Variants in ATXN10 observed in about 807,000 individuals in gnomAD.
ATXN10 encodes ataxin 10, also known as ataxin-10.
ATXN10 carries 28 observed loss-of-function variants against 52.9 expected under a neutral mutation model. The observed-to-expected ratio is 0.53, with a 90% CI of 0.39 to 0.73. The LOEUF (loss-of-function observed/expected upper bound fraction) is 0.73. Ranked by LOEUF, ATXN10 falls within the 30% of genes least tolerant of loss-of-function variation. The pLI is 0.00. For synonymous variants in ATXN10, 226 were observed against 221.5 expected, an observed-to-expected ratio of 1.02 and a Z score of -0.18; for missense variants, 565 against 577.0, an observed-to-expected ratio of 0.98 and a Z score of 0.21.
intron 10 of ATXN10, among the ~76,000 whole-genome samples, chr22:45,822,523 ATT>A (rs763159693): frequency 0.074 from 7,131 of 95,922 alleles, 113 homozygotes; most frequent in Non-Finnish European, 0.097. Context: ...AATTTCTCCA[ATT>A]TTTTTTTTTT....
chr22:45,842,007 C>T lies in ATXN10; in HGVS notation c.1238-984C>T, dbSNP rs1394530779. On this transcript the variant is annotated intron_variant, in intron 10 of 11. Coordinates refer to ENST00000252934, the MANE Select transcript of ATXN10 (RefSeq NM_013236.4). The surrounding 1 kb of genome is among the most constrained non-coding windows in gnomAD (Gnocchi z 4.8). Reference sequence around the variant, plus strand: ...GGACAGGACTTGTTTGTCTTGCTGCCTTTATCTGCTCGTGGGCAGGGAGGT... The same window carrying T: ...GGACAGGACTTGTTTGTCTTGCTGCTTTTATCTGCTCGTGGGCAGGGAGGT... Among the ~76,000 whole-genome samples, 4 of 152,128 alleles carry T rather than the reference C, an allele frequency of 2.6e-5. No homozygotes were observed. The highest frequency in any genetic ancestry group is 9.7e-5 in the African/African-American group (4 of 41,418).
chr22:45,705,984 C>T lies in ATXN10; in HGVS notation c.647+3137C>T, dbSNP rs980335714. ...GCCACATTCGATTCTCTTAGGAGCA[C>T]AAACCCTGTTGTGAACTGCGCATGC... On this transcript the variant is annotated intron_variant, in intron 5 of 11. Coordinates refer to ENST00000252934, the MANE Select transcript of ATXN10 (RefSeq NM_013236.4). The surrounding 1 kb of genome is among the most constrained non-coding windows in gnomAD (Gnocchi z 5.2). 6.6e-6 allele frequency among the ~76,000 whole-genome samples: 1 copy of T among 152,200 alleles called. No homozygotes were observed. Among genetic ancestry groups the T allele is most frequent in the African/African-American group, 2.4e-5 (1 of 41,444 alleles).
At chr22:45,713,829 C>T (rs1210484957) in intron 5 of ATXN10, among the ~76,000 whole-genome samples, 1 of 152,092 alleles carries the variant, frequency 6.6e-6, no homozygotes, top group Admixed American at 6.6e-5. Context: ...TATATAAAGA[C>T]TTTCCTCAGT....
At chr22:45,801,505 C>T (rs1475607564) in intron 9 of ATXN10, among the ~76,000 whole-genome samples, 1 of 152,194 alleles carries the variant, frequency 6.6e-6, no homozygotes, top group African/African-American at 2.4e-5. Context: ...ACAAATGCAA[C>T]ACAAAGATCA....
rs1374198660 is a variant in ATXN10, at chr22:45,816,664, T to C, written c.1237+9642T>C. ...CCAAAATGTGCTCCAAAGCATATTT[T>C]GTCTATAGTATCTTAATAGGTAATA... On this transcript the variant is annotated intron_variant, in intron 10 of 11. Coordinates refer to ENST00000252934, the MANE Select transcript of ATXN10 (RefSeq NM_013236.4). This position sits in a 1 kb window ranked among gnomAD's most constrained non-coding sequence, Gnocchi z 5.8. 6.6e-6 allele frequency among the ~76,000 whole-genome samples: 1 copy of C among 152,206 alleles called. No individual in the cohort carries two copies. Among genetic ancestry groups the C allele is most frequent in the Non-Finnish European group, 1.5e-5 (1 of 68,034 alleles).
chr22:45,729,007 C>T (rs986579246), intron 6 of ATXN10, among the ~76,000 whole-genome samples: 2 of 152,136 alleles, frequency 1.3e-5, no homozygotes, highest in African/African-American at 4.8e-5. Flanking sequence ...GTACCTGCCT[C>T]ATGGAGTTTT....
chr22:45,768,442 A>C (rs1278482307), intron 9 of ATXN10, among the ~76,000 whole-genome samples: 1 of 152,248 alleles, frequency 6.6e-6, no homozygotes, highest in Non-Finnish European at 1.5e-5. Flanking sequence ...TTTGTGTAAA[A>C]AACACAAAAA....
At chr22:45,692,863 G>A (rs1032742759) in intron 2 of ATXN10, 133 bp from the exon 3 acceptor site, 31 of 758,044 alleles carry the variant, frequency 4.1e-5, no homozygotes, top group Non-Finnish European at 6.2e-5. Flanking sequence ...CCTGTAAAGA[G>A]CCAGATAATA....
chr22:45,843,731 A>G lies in ATXN10; in HGVS notation c.*60A>G. Reference sequence around the variant, plus strand: ...CTGTTTCATGGATTTTTCATCTTCTACCGTATGTGAAATTGCAAGTGTTTG... The same window carrying G: ...CTGTTTCATGGATTTTTCATCTTCTGCCGTATGTGAAATTGCAAGTGTTTG... On this transcript the variant is annotated 3_prime_UTR_variant, in exon 12 of 12. Coordinates refer to ENST00000252934, the MANE Select transcript of ATXN10 (RefSeq NM_013236.4). The surrounding 1 kb of genome is among the most constrained non-coding windows in gnomAD (Gnocchi z 4.5). 3 of 1,524,538 alleles carry G rather than the reference A, an allele frequency of 2.0e-6. No homozygotes were observed. In the South Asian group the frequency reaches 3.4e-5, roughly 17 times the overall value. The allele number at this position is 1,524,538 out of a possible 1,614,324, so 94.4% of individuals were successfully genotyped here.
At chr22:45,722,497 T>G (rs563144730) in intron 6 of ATXN10, among the ~76,000 whole-genome samples, 1 of 152,266 alleles carries the variant, frequency 6.6e-6, no homozygotes, top group East Asian at 1.9e-4. Context: ...TTTCTGACTT[T>G]GACTGCTTCT....
rs537639831 is a variant in ATXN10, at chr22:45,682,343, G to T, written c.117-7369G>T. On this transcript the variant is annotated intron_variant, in intron 1 of 11. Transcript: ENST00000252934. ...TCTTTGTTTTTTTTTTTGAGACAGG[G>T]TCTCGCTCTGTCACCCAGGCTGGAG... Among the ~76,000 whole-genome samples the T allele has an allele frequency of 2.2e-4, 33 of 151,796 alleles. No individual in the cohort carries two copies. In the South Asian group the frequency reaches 6.2e-3, roughly 29 times the overall value.
chr22:45,791,525 G>T (rs368913560), intron 9 of ATXN10, among the ~76,000 whole-genome samples: 5 of 152,122 alleles, frequency 3.3e-5, no homozygotes, highest in South Asian at 2.1e-4. Context: ...GCATGGTCGG[G>T]TACTTTTTCT....
intron 9 of ATXN10, among the ~76,000 whole-genome samples, chr22:45,742,526 A>G (rs1160737031): frequency 8.2e-6 from 1 of 121,762 alleles, no homozygotes; most frequent in Non-Finnish European, 1.7e-5. Flanking sequence ...TACAGTATCT[A>G]AAATAAAAAA....
At position 45,728,184 on chromosome 22, in the gene ATXN10, T is replaced by C. The variant is rs1924952903; in HGVS notation, c.729-1241T>C. On this transcript the variant is annotated intron_variant, in intron 6 of 11. Coordinates refer to ENST00000252934, the MANE Select transcript of ATXN10 (RefSeq NM_013236.4). This position sits in a 1 kb window ranked among gnomAD's most constrained non-coding sequence, Gnocchi z 4.3. Reference sequence around the variant, plus strand: ...CTCCATTGTGTTACTGTTTTATAGGTGCTGTGCATTTTGTGCTTTCAAGAG... The same window carrying C: ...CTCCATTGTGTTACTGTTTTATAGGCGCTGTGCATTTTGTGCTTTCAAGAG... 6.6e-6 allele frequency among the ~76,000 whole-genome samples: 1 copy of C among 152,192 alleles called. No individual in the cohort carries two copies. The highest frequency in any genetic ancestry group is 1.5e-5 in the Non-Finnish European group (1 of 68,028).
chr22:45,821,119 G>A (rs181347621), intron 10 of ATXN10, among the ~76,000 whole-genome samples: 1 of 152,276 alleles, frequency 6.6e-6, no homozygotes, highest in East Asian at 1.9e-4. Flanking sequence ...GATAGGAAAA[G>A]CCTGTAGAAA....
In ATXN10 at chr22:45,744,472, A is replaced by G. The variant is rs903544641; in HGVS notation, c.1173+3934A>G. On this transcript the variant is annotated intron_variant, in intron 9 of 11. Coordinates refer to ENST00000252934, the MANE Select transcript of ATXN10 (RefSeq NM_013236.4). This position sits in a 1 kb window ranked among gnomAD's most constrained non-coding sequence, Gnocchi z 4.9. ...TACCTCTGTGGAAAGGGCTGAAAAG[A>G]TATTTCCACCATCATTTTCTAAATG... is the stretch of plus-strand genomic sequence containing the variant. 1.3e-5 allele frequency: 2 copies of G among 152,230 alleles called. No individual in the cohort carries two copies. The highest frequency in any genetic ancestry group is 4.8e-5 in the African/African-American group (2 of 41,464). The allele number at this position is 152,230 out of a possible 1,614,324, so 9.4% of individuals were successfully genotyped here.
intron 1 of ATXN10, among the ~76,000 whole-genome samples, chr22:45,687,493 A>G (rs1022655525): frequency 7.2e-5 from 11 of 152,212 alleles, no homozygotes; most frequent in African/African-American, 2.7e-4. Context: ...TACAGCTGTA[A>G]ATACACATTC....
rs1011575919 is a variant in ATXN10 at position 45,780,817 on chromosome 22, C to T, written c.1174-26142C>T. The stretch of plus-strand genomic sequence containing the variant: ...ATTCTGGATTAAGGTGGTGCAGATG[C>T]ACTTCCCGGTATCTCTCCAGCTAAA... On this transcript the variant is annotated intron_variant, in intron 9 of 11. Coordinates refer to ENST00000252934, the MANE Select transcript of ATXN10 (RefSeq NM_013236.4). This position sits in a 1 kb window ranked among gnomAD's most constrained non-coding sequence, Gnocchi z 4.0. Among the ~76,000 whole-genome samples the T allele has an allele frequency of 6.6e-6, 1 of 152,182 alleles. No individual in the cohort carries two copies. Among genetic ancestry groups the T allele is most frequent in the Non-Finnish European group, 1.5e-5 (1 of 68,034 alleles).
chr22:45,782,942 A>T (rs1375799839), intron 9 of ATXN10, among the ~76,000 whole-genome samples: 1 of 151,818 alleles, frequency 6.6e-6, no homozygotes, highest in African/African-American at 2.4e-5. Context: ...ATTAACAACG[A>T]TAACTAATGG....
Sources: gnomAD v4.1 joint callset for allele counts (sites outside exome capture counted in the v4.1 genomes callset) on GRCh38, gnomAD v4.1.1 for gene constraint, Gnocchi (gnomAD v3.1) non-coding constraint, MANE v1.5 for transcripts, NCBI Gene and HGNC (gene_info 2026-07-23, HGNC 2026-07-21) for gene names.